BANK1: variants seen among roughly 807,000 people sequenced by gnomAD.
BANK1 encodes the protein B-cell scaffold protein with ankyrin repeats.
In BANK1, 95 loss-of-function variants were observed where a neutral mutation model predicts 94.5. That is an observed-to-expected ratio of 1.00 (90% CI 0.85 to 1.19). The LOEUF (loss-of-function observed/expected upper bound fraction) is 1.19. BANK1 is among the 50% of genes most tolerant of loss of function. BANK1 has a pLI of 0.00. For synonymous variants in BANK1, 334 were observed against 308.4 expected (o/e 1.08, Z -0.87); for missense variants, 987 against 932.2 (o/e 1.06, Z -0.77).
intron 5 of BANK1, among the ~76,000 whole-genome samples, chr4:101,893,478 C>T (rs1047702488): frequency 6.6e-6 from 1 of 152,152 alleles, no homozygotes; most frequent in Non-Finnish European, 1.5e-5. Flanking sequence ...ACAGAACTGT[C>T]ATGGCCATTG....
chr4:101,896,783 G>A (rs1190333059), intron 6 of BANK1, among the ~76,000 whole-genome samples: 1 of 151,774 alleles, frequency 6.6e-6, no homozygotes, highest in Non-Finnish European at 1.5e-5. Context: ...TTTAGATAAA[G>A]GGTACATTAT....
At chr4:101,852,503 T>TATATATATACAC (rs1448887346) in intron 2 of BANK1, among the ~76,000 whole-genome samples, 3 of 80,166 alleles carry the variant, frequency 3.7e-5, no homozygotes, top group African/African-American at 8.6e-5. Flanking sequence ...TATATATATA[T>TATATATATACAC]ACACACACAC....
intron 6 of BANK1, among the ~76,000 whole-genome samples, chr4:101,901,981 C>T (rs573737672): frequency 1.3e-5 from 2 of 152,192 alleles, no homozygotes; most frequent in African/African-American, 4.8e-5. Flanking sequence ...AGGATGGTCT[C>T]GATTTCCTGA....
chr4:101,897,196 C>A (rs1722113612), intron 6 of BANK1, among the ~76,000 whole-genome samples: 1 of 151,700 alleles, frequency 6.6e-6, no homozygotes, highest in African/African-American at 2.4e-5. Flanking sequence ...CCAATGAAGA[C>A]AGAGAAAGGA....
chr4:101,975,474 A>G (rs1725092184), intron 7 of BANK1, among the ~76,000 whole-genome samples: 2 of 152,166 alleles, frequency 1.3e-5, no homozygotes. Flanking sequence ...AGAGCATGGA[A>G]TGTGCAGGCA....
intron 5 of BANK1, among the ~76,000 whole-genome samples, chr4:101,882,827 A>G (rs1728727477): frequency 6.6e-6 from 1 of 150,858 alleles, no homozygotes; most frequent in African/African-American, 2.5e-5. Flanking sequence ...ACTTACAAAT[A>G]TGTGGGCACT....
intron 1 of BANK1, among the ~76,000 whole-genome samples, chr4:101,817,105 G>C (rs923063714): frequency 6.6e-6 from 1 of 152,046 alleles, no homozygotes; most frequent in Non-Finnish European, 1.5e-5. Context: ...CTGGCTACCC[G>C]GTAAATGGGC....
chr4:101,867,274 A>G (rs2148879495), intron 4 of BANK1, among the ~76,000 whole-genome samples: 1 of 152,078 alleles, frequency 6.6e-6, no homozygotes, highest in Non-Finnish European at 1.5e-5. Flanking sequence ...ATTGTGAAAA[A>G]AAGGAACCCA....
chr4:101,798,639 T>C (rs1725244769), intron 1 of BANK1, among the ~76,000 whole-genome samples: 1 of 152,314 alleles, frequency 6.6e-6, no homozygotes, highest in African/African-American at 2.4e-5. Context: ...CCTGACTTTT[T>C]AGTGATTGCT....
chr4:101,913,078 A>G (rs577503833), intron 6 of BANK1, among the ~76,000 whole-genome samples: 2 of 152,268 alleles, frequency 1.3e-5, no homozygotes, highest in South Asian at 4.1e-4. Flanking sequence ...GTGCCCAACC[A>G]TCTGATCCCA....
At chr4:101,852,754 T>C (rs1206171143) in intron 2 of BANK1, among the ~76,000 whole-genome samples, 7 of 151,984 alleles carry the variant, frequency 4.6e-5, no homozygotes, top group Non-Finnish European at 4.4e-5. Context: ...CCTTATTTCT[T>C]AGATTGCTTC....
chr4:101,894,250 C>T (rs1721985506), intron 5 of BANK1, among the ~76,000 whole-genome samples: 1 of 151,898 alleles, frequency 6.6e-6, no homozygotes, highest in African/African-American at 2.4e-5. Flanking sequence ...AAAATGTAAT[C>T]CAGAGCTAAG....
intron 7 of BANK1, among the ~76,000 whole-genome samples, chr4:101,927,027 A>G (rs900011683): frequency 2.6e-5 from 4 of 151,742 alleles, no homozygotes; most frequent in African/African-American, 7.2e-5. Context: ...GGAGAAAGGC[A>G]TTAGAGAATT....
At chr4:102,000,858 A>G (rs936557425) in intron 7 of BANK1, among the ~76,000 whole-genome samples, 5 of 152,224 alleles carry the variant, frequency 3.3e-5, no homozygotes, top group African/African-American at 9.6e-5. Flanking sequence ...GATCCAACAC[A>G]TAATAGAGCA....
At chr4:101,923,555 C>T (rs1353194107) in intron 7 of BANK1, among the ~76,000 whole-genome samples, 1 of 151,778 alleles carries the variant, frequency 6.6e-6, no homozygotes, top group South Asian at 2.1e-4. Flanking sequence ...CTTGTCTTCC[C>T]CATCAGGAAA....
intron 4 of BANK1, 51 bp downstream of exon 4, chr4:101,862,715 C>A: frequency 6.9e-7 from 1 of 1,458,698 alleles, no homozygotes; most frequent in South Asian, 1.5e-5. Context: ...TGAGTTCCTT[C>A]CAATAAATTT....
chr4:102,053,765 A>G (rs1728131144), intron 11 of BANK1, among the ~76,000 whole-genome samples: 1 of 151,946 alleles, frequency 6.6e-6, no homozygotes. Flanking sequence ...ATAAAGAAAA[A>G]TACGTAATGT....
At chr4:102,007,623 C>T (rs1189965888) in intron 7 of BANK1, among the ~76,000 whole-genome samples, 4 of 151,984 alleles carry the variant, frequency 2.6e-5, no homozygotes, top group Non-Finnish European at 5.9e-5. Context: ...CTTTTTAGTA[C>T]ATCTATCAGA....
intron 7 of BANK1, among the ~76,000 whole-genome samples, chr4:101,980,397 AT>A (rs1725288539): frequency 6.6e-6 from 1 of 151,424 alleles, no homozygotes; most frequent in Admixed American, 6.6e-5. Context: ...TTTCTGTGTC[AT>A]TATTTTTACA....
Sources: allele counts gnomAD v4.1 joint callset (sites outside exome capture counted in the v4.1 genomes callset), GRCh38; gene constraint gnomAD v4.1.1; transcripts MANE v1.5; gene names NCBI Gene and HGNC (gene_info 2026-07-23, HGNC 2026-07-21).